Variants in PKP2 observed in about 807,000 individuals in gnomAD.
The protein encoded by PKP2 is plakophilin-2.
Under a neutral mutation model 83.4 loss-of-function variants are expected in PKP2, and 73 were observed. The ratio of observed to expected loss-of-function variants is 0.88; its 90% CI spans 0.72 to 1.06. PKP2 has a LOEUF of 1.06. PKP2 is among the 50% of genes least tolerant of loss of function. The pLI is 0.00. For synonymous variants in PKP2, 409 were observed against 430.4 expected (o/e 0.95, Z 0.62); for missense variants, 966 against 1,065.4 (o/e 0.91, Z 1.30).
chr12:32,864,448 T>C (rs1426790725), intron 4 of PKP2, among the ~76,000 whole-genome samples: 2 of 151,608 alleles, frequency 1.3e-5, no homozygotes, highest in Non-Finnish European at 2.9e-5. Flanking sequence ...TCTGGAAATA[T>C]GATAAACTTA....
At chr12:32,861,496 A>AT (rs1956797307) in intron 4 of PKP2, among the ~76,000 whole-genome samples, 1 of 152,244 alleles carries the variant, frequency 6.6e-6, no homozygotes, top group African/African-American at 2.4e-5. Context: ...TATTAAACAC[A>AT]TATTAAGAGA....
At chr12:32,896,447 T>G in intron 1 of PKP2, 62 bp downstream of exon 1, 1 of 1,255,204 alleles carries the variant, frequency 8.0e-7, no homozygotes, top group Non-Finnish European at 1.1e-6. Flanking sequence ...GAGGGCGGGA[T>G]AGGAGGAGGT....
At chr12:32,863,334 G>T in intron 4 of PKP2, 1 of 257,578 alleles carries the variant, frequency 3.9e-6, no homozygotes, top group Non-Finnish European at 8.3e-6. Flanking sequence ...TAACTTGGGC[G>T]CATGAACACA....
intron 9 of PKP2, among the ~76,000 whole-genome samples, chr12:32,814,934 A>AAAATTC (rs1956307016): frequency 6.6e-6 from 1 of 152,220 alleles, no homozygotes; most frequent in East Asian, 1.9e-4. Context: ...TAAAAAAAAA[A>AAAATTC]AAATTCCAAT....
chr12:32,880,836 C>G (rs1956979668), intron 1 of PKP2, among the ~76,000 whole-genome samples: 1 of 152,040 alleles, frequency 6.6e-6, no homozygotes, highest in South Asian at 2.1e-4. Flanking sequence ...TCAAAATAAT[C>G]AACAATCTCC....
At position 32,841,220 on chromosome 12, in the gene PKP2, A is replaced by G; in HGVS notation, c.1379-15T>C. ...CCACAGCAAACCTAGAAAAGCACAGAGTTACCATGAAAACAGTGCAGGGTG... is the reference window on the plus strand; with the variant it reads ...CCACAGCAAACCTAGAAAAGCACAGGGTTACCATGAAAACAGTGCAGGGTG... On this transcript the variant is annotated splice_polypyrimidine_tract_variant and intron_variant, in intron 5 of 12. Transcript: ENST00000340811. 5.6e-6 allele frequency: 9 copies of G among 1,609,612 alleles called. No individual in the cohort carries two copies. Among genetic ancestry groups the G allele is most frequent in the Non-Finnish European group, 7.6e-6 (9 of 1,177,084 alleles).
In PKP2 at chr12:32,799,089, A is replaced by T. The variant is rs185321272; in HGVS notation, c.2168-2791T>A. ...GAAAAAAGCCAAATAATTCCATCAA[A>T]AAGTGGGCTAAGGACATGAATAGAC... On this transcript the variant is annotated intron_variant, in intron 10 of 12. Coordinates refer to ENST00000340811, the MANE Select transcript of PKP2 (RefSeq NM_001005242.3). Among the ~76,000 whole-genome samples, 276 of 152,332 alleles carry T rather than the reference A, an allele frequency of 1.8e-3. 1 individual carries two copies. The highest frequency in any genetic ancestry group is 6.4e-3 in the African/African-American group (265 of 41,588).
chr12:32,881,984 G>A (rs755628760), intron 1 of PKP2, among the ~76,000 whole-genome samples: 13 of 152,130 alleles, frequency 8.5e-5, no homozygotes, highest in Non-Finnish European at 1.2e-4. Flanking sequence ...TGAAGAGTCC[G>A]GGGGCCAGAG....
chr12:32,874,898 G>T (rs963604292), intron 3 of PKP2, among the ~76,000 whole-genome samples: 9 of 151,922 alleles, frequency 5.9e-5, no homozygotes, highest in African/African-American at 1.9e-4. Flanking sequence ...GCACTATCAC[G>T]CCAGGCTAAG....
At chr12:32,827,083 A>G (rs10506100) in intron 6 of PKP2, among the ~76,000 whole-genome samples, 30,272 of 152,244 alleles carry the variant, frequency 0.2, 3,966 homozygotes, top group African/African-American at 0.38. Context: ...CAAATCAAAA[A>G]GTCTTTCTTC....
At chr12:32,887,476 T>C (rs917383753) in intron 1 of PKP2, among the ~76,000 whole-genome samples, 1 of 152,194 alleles carries the variant, frequency 6.6e-6, no homozygotes, top group Non-Finnish European at 1.5e-5. Flanking sequence ...TTTATTGAGA[T>C]GGAGTCTTGC....
intron 5 of PKP2, among the ~76,000 whole-genome samples, chr12:32,849,710 CTGA>C (rs1490580767): frequency 6.6e-6 from 1 of 152,196 alleles, no homozygotes; most frequent in African/African-American, 2.4e-5. Context: ...TTAATTCTAT[CTGA>C]TTAGTCCATC....
chr12:32,794,858 T>G (rs1956106531), intron 11 of PKP2, among the ~76,000 whole-genome samples: 1 of 152,156 alleles, frequency 6.6e-6, no homozygotes, highest in Admixed American at 6.5e-5. Flanking sequence ...CTTCCTTCCT[T>G]GTGTGCACTG....
chr12:32,842,864 G>A (rs1264669525), intron 5 of PKP2, among the ~76,000 whole-genome samples: 2 of 149,332 alleles, frequency 1.3e-5, no homozygotes, highest in East Asian at 2.0e-4. Context: ...CAGTAGAGAC[G>A]GGGTTTCACC....
At chr12:32,879,075 G>T in intron 1 of PKP2, 43 bp from the exon 2 acceptor site, 1 of 1,003,404 alleles carries the variant, frequency 1.0e-6, no homozygotes, top group Non-Finnish European at 1.6e-6. Flanking sequence ...ATACAAGTAG[G>T]CTAATTAATA....
chr12:32,832,336 C>T (rs895351874), intron 6 of PKP2, among the ~76,000 whole-genome samples: 1 of 151,848 alleles, frequency 6.6e-6, no homozygotes, highest in Non-Finnish European at 1.5e-5. Flanking sequence ...CAAGATTGTG[C>T]CACTGCACTC....
chr12:32,846,941 AT>A (rs1252049198), intron 5 of PKP2, among the ~76,000 whole-genome samples: 4 of 152,050 alleles, frequency 2.6e-5, no homozygotes, highest in Non-Finnish European at 4.4e-5. Context: ...GTTCTTTACC[AT>A]TTAGGCAACC....
chr12:32,879,277 T>C (rs1956964402), intron 1 of PKP2, among the ~76,000 whole-genome samples: 1 of 152,292 alleles, frequency 6.6e-6, no homozygotes, highest in East Asian at 1.9e-4. Flanking sequence ...GCACGCCTCT[T>C]ATCCCAGCAC....
intron 8 of PKP2, 106 bp from the exon 9 acceptor site, chr12:32,821,635 T>C (rs1956380104): frequency 1.8e-6 from 2 of 1,107,806 alleles, no homozygotes. Flanking sequence ...GGCTCATAAT[T>C]TGCATAAGAA....
Sources: allele counts gnomAD v4.1 joint callset (sites outside exome capture counted in the v4.1 genomes callset), GRCh38; gene constraint gnomAD v4.1.1; transcripts MANE v1.5; gene names NCBI Gene and HGNC (gene_info 2026-07-23, HGNC 2026-07-21).